PCBP3: variants seen among roughly 807,000 people sequenced by gnomAD.
PCBP3 encodes poly(rC)-binding protein 3.
A neutral mutation model predicts 52.7 loss-of-function variants in PCBP3; 25 were observed. The observed-to-expected ratio is 0.47, with a 90% CI of 0.35 to 0.66. PCBP3 has a LOEUF of 0.66. Among genes scored for constraint, PCBP3 ranks in the 30% least tolerant of loss-of-function variants. The probability of loss-of-function intolerance (pLI) is 0.01; values close to 1 mark genes in which losing one functional copy is unlikely to be tolerated. For missense variants in PCBP3, 391 were observed against 490.3 expected (o/e 0.80, Z 1.91); for synonymous variants, 162 against 183.0 (o/e 0.89, Z 0.93).
chr21:45,847,397 C>G (rs550076963), intron 4 of PCBP3, among the ~76,000 whole-genome samples: 1 of 152,324 alleles, frequency 6.6e-6, no homozygotes, highest in South Asian at 2.1e-4. Context: ...CACCTCCATC[C>G]TTACCCTCAC....
At chr21:45,919,580 C>T (rs1270219144) in intron 13 of PCBP3, 1 of 152,290 alleles carries the variant, frequency 6.6e-6, no homozygotes, top group Admixed American at 6.5e-5. Context: ...GGTAGAGAAA[C>T]GCTGATCAAG....
At chr21:45,729,738 T>C (rs2085318539) in intron 2 of PCBP3, among the ~76,000 whole-genome samples, 1 of 152,192 alleles carries the variant, frequency 6.6e-6, no homozygotes, top group African/African-American at 2.4e-5. Context: ...TTATCAATAT[T>C]ATGTGCCTTA....
chr21:45,725,694 G>C (rs538512602), intron 2 of PCBP3, among the ~76,000 whole-genome samples: 1 of 152,196 alleles, frequency 6.6e-6, no homozygotes, highest in East Asian at 1.9e-4. Context: ...AACACAGCAG[G>C]CACATGCTAC....
chr21:45,888,367 A>G (rs2839035), intron 5 of PCBP3, among the ~76,000 whole-genome samples: 118,892 of 152,240 alleles, frequency 0.78, 47,047 homozygotes, highest in East Asian at 1. Context: ...TTACCTCCAG[A>G]GTGGATTTCA....
chr21:45,650,934 C>T (rs2079640912), intron 1 of PCBP3, among the ~76,000 whole-genome samples: 1 of 152,144 alleles, frequency 6.6e-6, no homozygotes, highest in Non-Finnish European at 1.5e-5. Context: ...GTGGTAGAAT[C>T]TTCCTCATCC....
intron 4 of PCBP3, among the ~76,000 whole-genome samples, chr21:45,757,549 TTTTTC>T (rs2146483825): frequency 6.6e-6 from 1 of 152,314 alleles, no homozygotes; most frequent in Admixed American, 6.5e-5. Context: ...CTTTACCTGT[TTTTTC>T]TTTGGTTGTG....
chr21:45,840,257 C>T (rs554226499), intron 4 of PCBP3, among the ~76,000 whole-genome samples: 197 of 151,434 alleles, frequency 1.3e-3, no homozygotes, highest in Middle Eastern at 3.4e-3. Context: ...TCAAGACCAT[C>T]GTGGCTAACA....
At chr21:45,831,614 A>T (rs1231710234) in intron 4 of PCBP3, among the ~76,000 whole-genome samples, 3 of 152,298 alleles carry the variant, frequency 2.0e-5, no homozygotes, top group African/African-American at 7.2e-5. Context: ...TGGTCATGTT[A>T]CTGGAAGGGG....
In PCBP3 at chr21:45,935,160, T is replaced by C. The variant is rs2076749502; in HGVS notation, c.857-93T>C. ...CACTTGGGCCAGCTCTACAGCCCTG[T>C]CTCACTTGACCCAGGAGAGTGAGGG... On this transcript the variant is annotated intron_variant, in intron 15 of 17. Transcript: ENST00000681687. 3.5e-6 allele frequency: 3 copies of C among 849,828 alleles called. No individual in the cohort carries two copies. The East Asian group carries it at 7.6e-5, about 22-fold the overall frequency. 52.6% of individuals were successfully genotyped at this position (849,828 alleles called of 1,614,324 possible).
At chr21:45,645,180 G>C (rs1219915166) in intron 1 of PCBP3, among the ~76,000 whole-genome samples, 1 of 152,144 alleles carries the variant, frequency 6.6e-6, no homozygotes, top group African/African-American at 2.4e-5. Context: ...AGAAAACATG[G>C]GGCCTTAAAA....
At chr21:45,663,956 G>A (rs2080592963) in intron 1 of PCBP3, among the ~76,000 whole-genome samples, 1 of 150,854 alleles carries the variant, frequency 6.6e-6, no homozygotes. Flanking sequence ...GCTTTGGGCA[G>A]TATGTTCATT....
chr21:45,661,046 A>AT (rs2080355988), intron 1 of PCBP3, among the ~76,000 whole-genome samples: 1 of 152,148 alleles, frequency 6.6e-6, no homozygotes, highest in African/African-American at 2.4e-5. Flanking sequence ...ATCTCAAAAA[A>AT]AATATATATA....
intron 2 of PCBP3, among the ~76,000 whole-genome samples, chr21:45,706,177 C>G (rs1305349668): frequency 6.6e-6 from 1 of 152,202 alleles, no homozygotes; most frequent in Admixed American, 6.5e-5. Flanking sequence ...TCTGACTACA[C>G]ATTAGTCATC....
At chr21:45,686,566 CAA>C (rs2082165426) in intron 2 of PCBP3, among the ~76,000 whole-genome samples, 1 of 151,966 alleles carries the variant, frequency 6.6e-6, no homozygotes, top group South Asian at 2.1e-4. Flanking sequence ...TGGCCAAAAA[CAA>C]GAGGAAAAGC....
chr21:45,935,269 A>C lies in PCBP3; in HGVS notation c.873A>C (p.Pro291=). 1.2e-6 allele frequency: 2 copies of C among 1,612,730 alleles called. No homozygotes were observed. The highest frequency in any genetic ancestry group is 1.7e-6 in the Non-Finnish European group (2 of 1,179,440). Residue 291 remains proline, a synonymous_variant, in exon 16 of 18, where the codon CCA becomes CCC. Coordinates refer to ENST00000681687, the MANE Select transcript of PCBP3 (RefSeq NM_001384156.1). ...TATACCCAGGTCTGGACGCCAGCCC[A>C]CCGGCCAGCACTCATGAGCTCACCA... ...MGQSSGLDAS[P]PASTHELTIP...
intron 4 of PCBP3, among the ~76,000 whole-genome samples, chr21:45,816,711 G>A (rs1047481455): frequency 3.3e-5 from 5 of 149,780 alleles, no homozygotes; most frequent in African/African-American, 1.2e-4. Context: ...GACACCTCCT[G>A]AGAGACCTGA....
intron 3 of PCBP3, among the ~76,000 whole-genome samples, chr21:45,747,762 C>G (rs990635887): frequency 4.6e-5 from 7 of 152,368 alleles, no homozygotes; most frequent in African/African-American, 1.7e-4. Flanking sequence ...GTGCAGCACA[C>G]CTCTCGAGGG....
At chr21:45,894,894 A>C (rs1036855541) in intron 5 of PCBP3, among the ~76,000 whole-genome samples, 9 of 152,274 alleles carry the variant, frequency 5.9e-5, no homozygotes, top group African/African-American at 2.2e-4. Context: ...ATTACAAATA[A>C]TAATGTAATA....
At chr21:45,836,883 C>G (rs1351362195) in intron 4 of PCBP3, among the ~76,000 whole-genome samples, 2 of 152,126 alleles carry the variant, frequency 1.3e-5, no homozygotes, top group African/African-American at 4.8e-5. Context: ...GGCAGAGCTG[C>G]AGTTTGTGTG....
Sources: gnomAD v4.1 joint callset for allele counts (sites outside exome capture counted in the v4.1 genomes callset) on GRCh38, gnomAD v4.1.1 for gene constraint, MANE v1.5 for transcripts, NCBI Gene and HGNC (gene_info 2026-07-23, HGNC 2026-07-21) for gene names.